The following ADAMTS6 variants were observed in gnomAD, a reference collection of about 807,000 sequenced individuals.
ADAMTS6 encodes the protein A disintegrin and metalloproteinase with thrombospondin motifs 6.
In ADAMTS6, 23 loss-of-function variants were observed where a neutral mutation model predicts 144.3. The ratio of observed to expected loss-of-function variants is 0.16; its 90% confidence interval spans 0.11 to 0.23. The LOEUF is 0.23. Ranked by LOEUF, ADAMTS6 falls within the 10% of genes least tolerant of loss-of-function variation. The pLI is 1.00. For synonymous variants in ADAMTS6, 444 were observed against 457.5 expected (o/e 0.97, Z 0.38); for missense variants, 999 against 1,379.6 (o/e 0.72, Z 4.37).
At chr5:65,193,497 C>A (rs1755137976) in intron 21 of ADAMTS6, among the ~76,000 whole-genome samples, 2 of 151,898 alleles carry the variant, frequency 1.3e-5, no homozygotes, top group Admixed American at 1.3e-4. Context: ...TCAGCAGTCC[C>A]ATATATGCAA....
chr5:65,257,612 A>T (rs1165580636), intron 14 of ADAMTS6, among the ~76,000 whole-genome samples: 1 of 152,120 alleles, frequency 6.6e-6, no homozygotes, highest in Non-Finnish European at 1.5e-5. Context: ...TTCTCATCTA[A>T]AGCATCAATC....
chr5:65,359,612 C>A (rs1749638785), intron 7 of ADAMTS6, among the ~76,000 whole-genome samples: 1 of 152,082 alleles, frequency 6.6e-6, no homozygotes, highest in African/African-American at 2.4e-5. Flanking sequence ...TGAAATCAGC[C>A]TAATTGTCTA....
At chr5:65,192,640 A>G (rs543686209) in intron 21 of ADAMTS6, among the ~76,000 whole-genome samples, 6 of 128,504 alleles carry the variant, frequency 4.7e-5, no homozygotes, top group Admixed American at 8.7e-5. Context: ...ATCCTTTAAT[A>G]TTAATTCCTT....
Position 65,329,414 on chromosome 5 carries a change from C to A in ADAMTS6, c.1187G>T (p.Gly396Val). The change falls in exon 9 of 25, where the codon GGT becomes GTT. Residue 396 changes from glycine (G) to valine (V), a missense_variant. Transcript: ENST00000381055. Reference sequence around the variant, plus strand: ...CTCATGTGCAATGGTAAAAGCTGAACCCAGGCCAATGTCTTCATTAATGCT... The same window carrying A: ...CTCATGTGCAATGGTAAAAGCTGAAACCAGGCCAATGTCTTCATTAATGCT... ...SCSINEDIGL[G>V]SAFTIAHEIG... 5 of 1,612,890 alleles carry A rather than the reference C, an allele frequency of 3.1e-6. No individual in the cohort carries two copies. The highest frequency in any genetic ancestry group is 4.2e-6 in the Non-Finnish European group (5 of 1,179,316).
intron 15 of ADAMTS6, among the ~76,000 whole-genome samples, chr5:65,237,643 A>G (rs1758782097): frequency 6.6e-6 from 1 of 152,176 alleles, no homozygotes; most frequent in African/African-American, 2.4e-5. Context: ...CAAAGACATC[A>G]TAAGAAGAAT....
chr5:65,372,265 TTAAATG>T (rs1321045131), intron 7 of ADAMTS6, among the ~76,000 whole-genome samples: 1 of 150,190 alleles, frequency 6.7e-6, no homozygotes, highest in African/African-American at 2.5e-5. Flanking sequence ...AATATTAACT[TTAAATG>T]TAAATGGACT....
At chr5:65,372,554 T>C (rs528767383) in intron 7 of ADAMTS6, among the ~76,000 whole-genome samples, 1 of 152,024 alleles carries the variant, frequency 6.6e-6, no homozygotes, top group East Asian at 1.9e-4. Context: ...CAAGAAGAGC[T>C]AACTATCCTA....
At chr5:65,238,771 T>A (rs1327484152) in intron 15 of ADAMTS6, among the ~76,000 whole-genome samples, 1 of 152,108 alleles carries the variant, frequency 6.6e-6, no homozygotes, top group Non-Finnish European at 1.5e-5. Context: ...AGGAAAAACA[T>A]AGCTGGGAGA....
At chr5:65,281,602 CCTA>C (rs1762994631) in intron 11 of ADAMTS6, among the ~76,000 whole-genome samples, 1 of 151,980 alleles carries the variant, frequency 6.6e-6, no homozygotes, top group African/African-American at 2.4e-5. Flanking sequence ...TAAAAATACT[CCTA>C]CTTATTTAAA....
chr5:65,328,247 C>T (rs1194179806), intron 9 of ADAMTS6, among the ~76,000 whole-genome samples: 1 of 151,876 alleles, frequency 6.6e-6, no homozygotes, highest in African/African-American at 2.4e-5. Context: ...ACTTCAACAA[C>T]AACAAAAAAG....
intron 24 of ADAMTS6, among the ~76,000 whole-genome samples, chr5:65,163,480 C>A (rs1407752121): frequency 6.6e-6 from 1 of 152,132 alleles, no homozygotes; most frequent in East Asian, 1.9e-4. Flanking sequence ...TATAAAAAAA[C>A]AGACCATTTG....
chr5:65,200,147 A>G (rs1490044423), intron 20 of ADAMTS6, among the ~76,000 whole-genome samples: 2 of 152,170 alleles, frequency 1.3e-5, no homozygotes, highest in Non-Finnish European at 2.9e-5. Context: ...ATCTTCCTCC[A>G]ACAGCATACA....
At chr5:65,355,838 C>T (rs1263163412) in intron 7 of ADAMTS6, among the ~76,000 whole-genome samples, 1 of 151,748 alleles carries the variant, frequency 6.6e-6, no homozygotes, top group African/African-American at 2.4e-5. Flanking sequence ...ACTAATAATA[C>T]ACACTCTTCA....
rs1761102370 is a variant in ADAMTS6 at position 65,260,612 on chromosome 5, G to A, written c.1818C>T (p.Ser606=). 1.9e-6 allele frequency: 3 copies of A among 1,613,262 alleles called. No individual in the cohort carries two copies. The highest frequency in any genetic ancestry group is 1.7e-6 in the Non-Finnish European group (2 of 1,179,648). Residue 606 remains serine, a synonymous_variant, in exon 14 of 25, where the codon TCC becomes TCT. Transcript: ENST00000381055. ...YCLGERKRYR[S]CNTDPCPLGS... ...TGGTTTTACTTACATCTGTGTTACAGGAGCGATACCGTTTCCTTTCCCCAA... is the reference window on the plus strand; with the variant it reads ...TGGTTTTACTTACATCTGTGTTACAAGAGCGATACCGTTTCCTTTCCCCAA...
rs746399789 is a variant in ADAMTS6 at position 65,435,761 on chromosome 5, G to A, written c.1073+15714C>T. On this transcript the variant is annotated intron_variant, in intron 7 of 24. Transcript: ENST00000381055. ...CTGCCTCAGCCTCCCGAGTAGCTGC[G>A]ATTACAGGCACGTGCCATCACCGTA... 6.6e-5 allele frequency among the ~76,000 whole-genome samples: 10 copies of A among 151,886 alleles called. No homozygotes were observed. The East Asian group carries it at 1.7e-3, about 27-fold the overall frequency.
chr5:65,274,770 C>T (rs188000258), intron 11 of ADAMTS6, among the ~76,000 whole-genome samples: 127 of 152,250 alleles, frequency 8.3e-4, no homozygotes, highest in African/African-American at 3.0e-3. Flanking sequence ...CTGCAACCTC[C>T]ACCTCCTGGG....
chr5:65,334,176 G>A, intron 7 of ADAMTS6, 91 bp from the exon 8 acceptor site: 1 of 1,366,100 alleles, frequency 7.3e-7, no homozygotes, highest in Non-Finnish European at 9.9e-7. Flanking sequence ...GAAGTTGTCA[G>A]ACCACAATTA....
intron 7 of ADAMTS6, among the ~76,000 whole-genome samples, chr5:65,337,034 A>C (rs972879089): frequency 6.6e-6 from 1 of 152,148 alleles, no homozygotes; most frequent in Non-Finnish European, 1.5e-5. Flanking sequence ...GAAAGACTTC[A>C]GTCATGGATT....
intron 20 of ADAMTS6, among the ~76,000 whole-genome samples, chr5:65,213,286 T>A (rs1756664011): frequency 6.6e-6 from 1 of 152,204 alleles, no homozygotes; most frequent in African/African-American, 2.4e-5. Flanking sequence ...TCATGTTGTA[T>A]AGACTTTATA....
Sources: gnomAD v4.1 joint callset for allele counts (sites outside exome capture counted in the v4.1 genomes callset) on GRCh38, gnomAD v4.1.1 for gene constraint, MANE v1.5 for transcripts, NCBI Gene and HGNC (gene_info 2026-07-23, HGNC 2026-07-21) for gene names.